The following PLEKHH1 variants were observed in gnomAD, a reference collection of about 807,000 sequenced individuals.
PLEKHH1 encodes the protein pleckstrin homology domain-containing family H member 1.
A neutral mutation model predicts 160.0 loss-of-function variants in PLEKHH1; 104 were observed. The ratio of observed to expected loss-of-function variants is 0.65; its 90% CI spans 0.55 to 0.76. The LOEUF is 0.76. Ranked by LOEUF, PLEKHH1 falls within the 30% of genes least tolerant of loss-of-function variation. The probability of loss-of-function intolerance (pLI) is 0.00; values close to 1 mark genes in which losing one functional copy is unlikely to be tolerated. For missense variants in PLEKHH1, 1,427 were observed against 1,724.1 expected (o/e 0.83, Z 3.05); for synonymous variants, 619 against 678.4 (o/e 0.91, Z 1.36).
Position 67,572,142 on chromosome 14 carries a change from C to G in PLEKHH1, c.1593C>G (p.Ser531=). Residue 531 remains serine, a synonymous_variant, in exon 11 of 29, where the codon TCC becomes TCG. Transcript: ENST00000329153. ...GSPRAIKRGV[S]MSSLSSEGDY... ...TCCTCCTCCCTCGGCAAGGCGTCTCCATGTCCTCACTGAGCTCCGAGGGTG... is the reference window on the plus strand; with the variant it reads ...TCCTCCTCCCTCGGCAAGGCGTCTCGATGTCCTCACTGAGCTCCGAGGGTG... The G allele has an allele frequency of 6.2e-7, 1 of 1,606,628 alleles. No homozygotes were observed. Among genetic ancestry groups the G allele is most frequent in the Non-Finnish European group, 8.5e-7 (1 of 1,176,862 alleles).
At position 67,578,751 on chromosome 14, in the gene PLEKHH1, G is replaced by C; in HGVS notation, c.2849+120G>C. ...TCCTGTCCTCTGAAACCGCTCAGTG[G>C]TCGTGGAGACTTCACCCATTGCCGT... On this transcript the variant is annotated intron_variant, in intron 20 of 28. Coordinates refer to ENST00000329153, the MANE Select transcript of PLEKHH1 (RefSeq NM_020715.3). This position sits in a 1 kb window ranked among gnomAD's most constrained non-coding sequence, Gnocchi z 5.0. 1 of 719,322 alleles carries C rather than the reference G, an allele frequency of 1.4e-6. No homozygotes were observed. Among genetic ancestry groups the C allele is most frequent in the Non-Finnish European group, 2.5e-6 (1 of 401,816 alleles). 44.6% of individuals were successfully genotyped at this position (719,322 alleles called of 1,614,324 possible).
chr14:67,537,218 C>A (rs1420600927), intron 1 of PLEKHH1, among the ~76,000 whole-genome samples: 2 of 138,738 alleles, frequency 1.4e-5, no homozygotes, highest in Non-Finnish European at 3.1e-5. Context: ...GTGGCATCCA[C>A]CTGTAATCCC....
chr14:67,554,971 G>A (rs949546438), intron 2 of PLEKHH1, among the ~76,000 whole-genome samples: 4 of 152,054 alleles, frequency 2.6e-5, no homozygotes. Flanking sequence ...GGAGTGCAGT[G>A]GTGCCATCTC....
At chr14:67,577,797 TATGTA>T (rs916287702) in intron 18 of PLEKHH1, among the ~76,000 whole-genome samples, 5 of 152,322 alleles carry the variant, frequency 3.3e-5, no homozygotes, top group African/African-American at 1.2e-4. Flanking sequence ...TTGTCTTGTT[TATGTA>T]ATGTAATGAG....
chr14:67,541,881 A>G lies in PLEKHH1; in HGVS notation c.14A>G (p.Lys5Arg). 4 of 1,602,192 alleles carry G rather than the reference A, an allele frequency of 2.5e-6. No homozygotes were observed. The highest frequency in any genetic ancestry group is 3.4e-6 in the Non-Finnish European group (4 of 1,174,646). MAEL[K>R]VEAPASVDWQ... ...GTCGATTCCATCATGGCAGAACTCA[A>G]GGTGGAGGCGCCGGCCAGCGTAGAC... The change falls in exon 2 of 29, where the codon AAG becomes AGG. Residue 5 changes from lysine (K) to arginine (R), a missense_variant. By Grantham distance (26) the Lys-to-Arg change is conservative (BLOSUM62 2). This residue lies in a region of PLEKHH1 where 831 missense variants were observed against 929.2 expected (regional missense o/e 0.89). Coordinates refer to ENST00000329153, the MANE Select transcript of PLEKHH1 (RefSeq NM_020715.3).
In PLEKHH1 at chr14:67,585,986, A is replaced by G. The variant is rs918089356; in HGVS notation, c.3822A>G (p.Thr1274=). 11 of 1,613,850 alleles carry G rather than the reference A, an allele frequency of 6.8e-6. No homozygotes were observed. Among genetic ancestry groups the G allele is most frequent in the South Asian group, 2.2e-5 (2 of 91,058 alleles). ...TCACTTACCCCTACTCTTCAGTGAC[A>G]ACGTTTGGTGGCTGCAGGGATGACT... The part of the protein sequence containing the change: ...VHITYPYSSV[T]TFGGCRDDFM... The change falls in exon 28 of 29, where the codon ACA becomes ACG. Residue 1274 remains threonine (T), a synonymous_variant. Transcript: ENST00000329153.
intron 2 of PLEKHH1, among the ~76,000 whole-genome samples, chr14:67,547,837 C>T (rs1456339819): frequency 6.6e-6 from 1 of 152,188 alleles, no homozygotes; most frequent in South Asian, 2.1e-4. Flanking sequence ...TTTAAAAAAG[C>T]AGAAACATCA....
Position 67,562,835 on chromosome 14 carries a change from G to C in PLEKHH1, c.1204G>C (p.Glu402Gln), listed in dbSNP as rs771612552. ...ESPKALGAEL[E>Q]EVELGNKPPT... The stretch of plus-strand genomic sequence containing the variant: ...CCCAAAGGCCCTTGGAGCTGAGCTG[G>C]AGGAAGTGGAGCTGGGTAACAAGCC... The change falls in exon 7 of 29, where the codon GAG becomes CAG. Residue 402 changes from glutamate (E) to glutamine (Q), a missense_variant. Glu to Gln is a conservative substitution (Grantham distance 29). Coordinates refer to ENST00000329153, the MANE Select transcript of PLEKHH1 (RefSeq NM_020715.3). 3 of 1,613,716 alleles carry C rather than the reference G, an allele frequency of 1.9e-6. No homozygotes were observed. The South Asian group carries it at 3.3e-5, about 18-fold the overall frequency.
intron 2 of PLEKHH1, among the ~76,000 whole-genome samples, chr14:67,545,856 A>C (rs568412034): frequency 1.1e-4 from 16 of 152,282 alleles, no homozygotes; most frequent in African/African-American, 3.8e-4. Flanking sequence ...GACAGTACTA[A>C]TTGTTGTTTC....
chr14:67,577,525 GA>G, intron 18 of PLEKHH1, 111 bp downstream of exon 18: 1 of 708,862 alleles, frequency 1.4e-6, no homozygotes, highest in South Asian at 1.6e-5. Flanking sequence ...GGAAGGGAAG[GA>G]AACTTCCCAG....
At position 67,573,710 on chromosome 14, in the gene PLEKHH1, C is replaced by A; in HGVS notation, c.1840-91C>A. ...ATGCTGGGAATCATGTTTCCCTTTG[C>A]TTATGACGTGGAGGAAGATCTGAGG... On this transcript the variant is annotated intron_variant, in intron 12 of 28. Coordinates refer to ENST00000329153, the MANE Select transcript of PLEKHH1 (RefSeq NM_020715.3). This position sits in a 1 kb window ranked among gnomAD's most constrained non-coding sequence, Gnocchi z 4.8. 2.3e-6 allele frequency: 2 copies of A among 858,976 alleles called. No homozygotes were observed. The highest frequency in any genetic ancestry group is 4.0e-6 in the Non-Finnish European group (2 of 495,606). The allele number at this position is 858,976 out of a possible 1,614,324, so 53.2% of individuals were successfully genotyped here. A position where few individuals can be genotyped will look rare whatever the true frequency, so the allele number is the denominator to read the frequency against.
chr14:67,572,002 G>C, intron 10 of PLEKHH1, 100 bp downstream of exon 10: 2 of 1,491,118 alleles, frequency 1.3e-6, no homozygotes, highest in Non-Finnish European at 1.8e-6. Context: ...ATCTGAGCTC[G>C]TGACCCCCCA....
At position 67,574,532 on chromosome 14, in the gene PLEKHH1, A is replaced by C; in HGVS notation, c.2088+129A>C. 1.5e-6 allele frequency: 1 copy of C among 689,396 alleles called. No homozygotes were observed. The highest frequency in any genetic ancestry group is 2.8e-5 in the South Asian group (1 of 35,288). The allele number at this position is 689,396 out of a possible 1,614,324, so 42.7% of individuals were successfully genotyped here. ...TTTCTCTGGGAGCCTCCTCACAGTG[A>C]CTCGCTGGCCAGCCCTCAAACGTGG... On this transcript the variant is annotated intron_variant, in intron 14 of 28. Coordinates refer to ENST00000329153, the MANE Select transcript of PLEKHH1 (RefSeq NM_020715.3). The surrounding 1 kb of genome is among the most constrained non-coding windows in gnomAD (Gnocchi z 4.2).
At chr14:67,583,929 T>TCA (rs755499023) in intron 25 of PLEKHH1, 46 bp downstream of exon 25, 4 of 1,611,606 alleles carry the variant, frequency 2.5e-6, no homozygotes, top group Non-Finnish European at 3.4e-6. Flanking sequence ...TGGGGAGGTC[T>TCA]CAGGCCTGGA....
rs767948103 is a variant in PLEKHH1 at position 67,584,032 on chromosome 14, T to C, written c.3607T>C (p.Leu1203=). The change falls in exon 26 of 29, where the codon TTG becomes CTG. Residue 1203 remains leucine, a synonymous_variant. Coordinates refer to ENST00000329153, the MANE Select transcript of PLEKHH1 (RefSeq NM_020715.3). ...ADMLTTKWAT[L]QGCSPPECIR... ...TATGTTGACCACAAAATGGGCAACA[T>C]TGCAAGGATGCTCCCCTCCTGAGTG... is the stretch of plus-strand genomic sequence containing the variant. 3.0e-5 allele frequency: 48 copies of C among 1,613,906 alleles called. No individual in the cohort carries two copies. The highest frequency in any genetic ancestry group is 3.8e-5 in the Non-Finnish European group (45 of 1,179,898).
At position 67,579,300 on chromosome 14, in the gene PLEKHH1, G is replaced by A. The variant is rs752385006; in HGVS notation, c.3016G>A (p.Gly1006Arg). 7.2e-6 allele frequency: 11 copies of A among 1,534,420 alleles called. No homozygotes were observed. In the East Asian group the frequency reaches 1.9e-4, roughly 26 times the overall value. Residue 1006 changes from glycine (G) to arginine (R), a missense_variant, in exon 21 of 29, where the codon GGG (glycine) becomes AGG (arginine). Physicochemically the swap from Gly to Arg is moderately radical, Grantham distance 125. Around this residue, in one of 6 missense-constraint regions of PLEKHH1, gnomAD observed 436 missense variants for 607.5 expected, o/e 0.72. Transcript: ENST00000329153. ...PFSIPVHFTNGTYHVVGFDGS... is the reference protein window; with the variant it reads ...PFSIPVHFTNRTYHVVGFDGS... ...CAGCATCCCCGTGCACTTTACCAAC[G>A]GGACTTACCATGTGAGGAGCTGGGC...
intron 25 of PLEKHH1, 34 bp downstream of exon 25, chr14:67,583,917 T>TGCAA (rs1159562351): frequency 6.2e-7 from 1 of 1,611,750 alleles, no homozygotes; most frequent in African/African-American, 1.3e-5. Flanking sequence ...AGCAAGTCAC[T>TGCAA]GTGGGGAGGT....
rs1224115037 is a variant in PLEKHH1, at chr14:67,586,725, A to G, written c.3934-349A>G. 5 of 1,067,532 alleles carry G rather than the reference A, an allele frequency of 4.7e-6. No homozygotes were observed. The African/African-American group carries it at 8.2e-5, about 17-fold the overall frequency. 66.1% of individuals were successfully genotyped at this position (1,067,532 alleles called of 1,614,324 possible). Reference sequence around the variant, plus strand: ...TTAATCCTAAAGTTAGAGTTTGCCAAACCTACTCCTCCTTTAATACCACCC... The same window carrying G: ...TTAATCCTAAAGTTAGAGTTTGCCAGACCTACTCCTCCTTTAATACCACCC... On this transcript the variant is annotated intron_variant, in intron 28 of 28. Coordinates refer to ENST00000329153, the MANE Select transcript of PLEKHH1 (RefSeq NM_020715.3).
intron 7 of PLEKHH1, among the ~76,000 whole-genome samples, chr14:67,566,623 C>T (rs370772536): frequency 6.6e-5 from 10 of 152,116 alleles, no homozygotes; most frequent in South Asian, 2.1e-4. Context: ...TGGCACATGC[C>T]GGTAGTCCCA....
Sources: gnomAD v4.1 joint callset for allele counts (sites outside exome capture counted in the v4.1 genomes callset) on GRCh38, gnomAD v4.1.1 for gene constraint, gnomAD v4.1.1 regional missense constraint, Gnocchi (gnomAD v3.1) non-coding constraint, MANE v1.5 for transcripts, NCBI Gene and HGNC (gene_info 2026-07-23, HGNC 2026-07-21) for gene names.